The following HEG1 variants were observed in gnomAD, a reference collection of about 807,000 sequenced individuals.
HEG1 encodes the protein heart development protein with EGF like domains 1, also known as protein HEG homolog 1.
A neutral mutation model predicts 125.6 loss-of-function variants in HEG1; 56 were observed. The observed-to-expected ratio is 0.45, with a 90% CI of 0.36 to 0.56. HEG1 has a LOEUF of 0.56. HEG1 is among the 20% of genes least tolerant of loss of function. The pLI is 0.00. For synonymous variants in HEG1, 644 were observed against 668.5 expected (o/e 0.96, Z 0.57); for missense variants, 1,523 against 1,670.0 (o/e 0.91, Z 1.53).
intron 3 of HEG1, among the ~76,000 whole-genome samples, chr3:125,021,600 C>A (rs1011565346): frequency 1.3e-5 from 2 of 152,130 alleles, no homozygotes; most frequent in Non-Finnish European, 2.9e-5. Flanking sequence ...GGTGCCCCAC[C>A]CCAGGTCACT....
intron 8 of HEG1, among the ~76,000 whole-genome samples, chr3:125,005,634 G>A (rs1162747012): frequency 6.6e-6 from 1 of 152,212 alleles, no homozygotes; most frequent in East Asian, 1.9e-4. Flanking sequence ...GTATGTGCAA[G>A]GCTGCTAAGA....
At chr3:125,042,809 G>A (rs1430041347) in intron 1 of HEG1, among the ~76,000 whole-genome samples, 1 of 152,200 alleles carries the variant, frequency 6.6e-6, no homozygotes, top group Non-Finnish European at 1.5e-5. Context: ...GGGATATTCT[G>A]GGACATGCAA....
intron 14 of HEG1, among the ~76,000 whole-genome samples, chr3:124,985,780 T>G (rs1462950666): frequency 1.3e-5 from 2 of 152,150 alleles, no homozygotes; most frequent in African/African-American, 4.8e-5. Flanking sequence ...TTTCCAGATA[T>G]TTATTCGTTT....
intron 1 of HEG1, among the ~76,000 whole-genome samples, chr3:125,052,239 G>A (rs750871253): frequency 1.0e-4 from 15 of 149,904 alleles, no homozygotes; most frequent in Non-Finnish European, 1.9e-4. Context: ...TGAGGTAGCC[G>A]CCTTCTGGAG....
At chr3:125,038,276 C>A (rs551013181) in intron 1 of HEG1, among the ~76,000 whole-genome samples, 1 of 152,296 alleles carries the variant, frequency 6.6e-6, no homozygotes, top group Non-Finnish European at 1.5e-5. Context: ...TCCACGACAC[C>A]TCTCCTAGGA....
At chr3:125,048,873 T>G (rs1288252725) in intron 1 of HEG1, among the ~76,000 whole-genome samples, 1 of 152,106 alleles carries the variant, frequency 6.6e-6, no homozygotes, top group Non-Finnish European at 1.5e-5. Context: ...CAAAAAAGAA[T>G]CACGGTAGTG....
At chr3:125,004,553 G>C (rs1156896943) in intron 9 of HEG1, among the ~76,000 whole-genome samples, 1 of 151,886 alleles carries the variant, frequency 6.6e-6, no homozygotes, top group Non-Finnish European at 1.5e-5. Flanking sequence ...GCAGTTGTTC[G>C]ATCACGGCTC....
At chr3:125,052,668 C>T (rs1398954219) in intron 1 of HEG1, among the ~76,000 whole-genome samples, 1 of 152,138 alleles carries the variant, frequency 6.6e-6, no homozygotes, top group Non-Finnish European at 1.5e-5. Context: ...GAAAAACACA[C>T]GCAGAAAAAG....
At chr3:125,039,637 T>G (rs1003555855) in intron 1 of HEG1, among the ~76,000 whole-genome samples, 7 of 152,156 alleles carry the variant, frequency 4.6e-5, no homozygotes, top group African/African-American at 1.7e-4. Flanking sequence ...TTCACATGCA[T>G]TATCTCATTA....
chr3:125,048,665 A>C (rs2107714517), intron 1 of HEG1, among the ~76,000 whole-genome samples: 1 of 152,354 alleles, frequency 6.6e-6, no homozygotes, highest in African/African-American at 2.4e-5. Context: ...ATTTTATTCT[A>C]AGTACAACGC....
Position 125,015,802 on chromosome 3 carries a change from C to CAAA in HEG1, c.1589-1813_1589-1812insTTT, listed in dbSNP as rs1560026482. Among the ~76,000 whole-genome samples the CAAA allele has an allele frequency of 5.3e-3, 782 of 147,682 alleles. 1 individual carries two copies. The highest frequency in any genetic ancestry group is 7.5e-3 in the Non-Finnish European group (491 of 65,320). On this transcript the variant is annotated intron_variant, in intron 5 of 16. Transcript: ENST00000311127. ...TGGCTGTACAAAAAGAAAAAAAAAC[C>CAAA]CAAAAAACAAAAAACAGGCTCTTTT...
At chr3:124,981,549 A>C (rs58454274) in intron 14 of HEG1, among the ~76,000 whole-genome samples, 1 of 151,902 alleles carries the variant, frequency 6.6e-6, no homozygotes, top group African/African-American at 2.4e-5. Flanking sequence ...TGCTCCAAGA[A>C]ATTTGGTTCA....
intron 11 of HEG1, among the ~76,000 whole-genome samples, chr3:125,000,137 C>G (rs925994055): frequency 1.3e-5 from 2 of 152,112 alleles, no homozygotes; most frequent in African/African-American, 2.4e-5. Context: ...TTTTTTTCAG[C>G]TAATATGCAT....
intron 5 of HEG1, among the ~76,000 whole-genome samples, chr3:125,015,990 G>A (rs921125124): frequency 3.3e-5 from 5 of 152,152 alleles, no homozygotes; most frequent in Admixed American, 6.5e-5. Flanking sequence ...CACTGAGAAA[G>A]CCAGAAGCCA....
chr3:124,992,054 C>A (rs1003880962), intron 12 of HEG1, among the ~76,000 whole-genome samples: 7 of 152,202 alleles, frequency 4.6e-5, no homozygotes, highest in African/African-American at 1.7e-4. Flanking sequence ...CTGATAATGG[C>A]CCTGCTGACA....
intron 4 of HEG1, among the ~76,000 whole-genome samples, 172 bp downstream of exon 4, chr3:125,020,620 C>T (rs547627778): frequency 6.6e-6 from 1 of 152,244 alleles, no homozygotes; most frequent in South Asian, 2.1e-4. Flanking sequence ...AGGAATGACA[C>T]CTGTCTGACT....
At chr3:125,018,864 CT>C (rs755310479) in intron 5 of HEG1, among the ~76,000 whole-genome samples, 3,364 of 119,578 alleles carry the variant, frequency 0.028, 81 homozygotes, top group African/African-American at 0.099. Context: ...TTCATGCATG[CT>C]TTTTTTTTTT....
chr3:124,972,570 C>A (rs1279427133), intron 16 of HEG1, among the ~76,000 whole-genome samples: 1 of 152,212 alleles, frequency 6.6e-6, no homozygotes, highest in Non-Finnish European at 1.5e-5. Flanking sequence ...ATTGCCACAG[C>A]AACCAGAGGA....
intron 1 of HEG1, among the ~76,000 whole-genome samples, chr3:125,051,406 T>G (rs1560037928): frequency 6.6e-6 from 1 of 152,124 alleles, no homozygotes; most frequent in East Asian, 1.9e-4. Context: ...ATTTTACAGA[T>G]GAGAAAACTG....
Sources: allele counts gnomAD v4.1 joint callset (sites outside exome capture counted in the v4.1 genomes callset), GRCh38; gene constraint gnomAD v4.1.1; transcripts MANE v1.5; gene names NCBI Gene and HGNC (gene_info 2026-07-23, HGNC 2026-07-21).